ELOVL4: variants seen among roughly 807,000 people sequenced by gnomAD.
ELOVL4 encodes ELOVL fatty acid elongase 4, also known as very long chain fatty acid elongase 4.
Under a neutral mutation model 42.1 loss-of-function variants are expected in ELOVL4, and 18 were observed. That is an observed-to-expected ratio of 0.43 (90% CI 0.30 to 0.63). ELOVL4 has a LOEUF of 0.63. ELOVL4 is among the 30% of genes least tolerant of loss of function. ELOVL4 has a pLI of 0.15. For missense variants in ELOVL4, 299 were observed against 376.2 expected (o/e 0.79, Z 1.70); for synonymous variants, 117 against 127.0 (o/e 0.92, Z 0.53).
At chr6:79,942,096 T>G (rs1774656963) in intron 1 of ELOVL4, among the ~76,000 whole-genome samples, 2 of 152,004 alleles carry the variant, frequency 1.3e-5, no homozygotes, top group Non-Finnish European at 2.9e-5. Flanking sequence ...AAAAGGTGGG[T>G]AAAGGCAAGG....
At position 79,919,542 on chromosome 6, in the gene ELOVL4, A is replaced by G. The variant is rs1774217034; in HGVS notation, c.547T>C (p.Phe183Leu). 6.2e-7 allele frequency: 1 copy of G among 1,613,546 alleles called. No individual in the cohort carries two copies. Among genetic ancestry groups the G allele is most frequent in the Admixed American group, 1.7e-5 (1 of 59,998 alleles). Reference protein sequence around the residue: ...IKWVAGGQAFFGAQLNSFIHV... With the variant: ...IKWVAGGQAFLGAQLNSFIHV... ...ATAAAGGAATTCAACTGGGCTCCAA[A>G]AAATGCTTTAGAAAAACAACAGGTA... The change falls in exon 5 of 6, where the codon TTT (phenylalanine) becomes CTT (leucine). Residue 183 changes from phenylalanine (F) to leucine (L), a missense_variant. Transcript: ENST00000369816.
intron 1 of ELOVL4, among the ~76,000 whole-genome samples, chr6:79,935,071 A>T (rs1307800763): frequency 6.6e-6 from 1 of 152,096 alleles, no homozygotes; most frequent in African/African-American, 2.4e-5. Flanking sequence ...ATTTTTAAAA[A>T]CTCCTTTTCA....
intron 1 of ELOVL4, among the ~76,000 whole-genome samples, chr6:79,937,503 G>A (rs1241140542): frequency 2.0e-5 from 3 of 152,108 alleles, no homozygotes; most frequent in Non-Finnish European, 2.9e-5. Flanking sequence ...ATCAGGTTCA[G>A]GGAAAGTCAG....
intron 1 of ELOVL4, among the ~76,000 whole-genome samples, chr6:79,943,305 T>G (rs1774677440): frequency 6.6e-6 from 1 of 152,134 alleles, no homozygotes; most frequent in Non-Finnish European, 1.5e-5. Context: ...AGCCCCCAGC[T>G]TCATCAAACC....
chr6:79,926,836 C>A (rs1313517255), intron 1 of ELOVL4, among the ~76,000 whole-genome samples: 2 of 152,092 alleles, frequency 1.3e-5, no homozygotes, highest in Non-Finnish European at 2.9e-5. Context: ...GAGGTACGTA[C>A]GGGGCGATGG....
chr6:79,947,323 C>A lies in ELOVL4; in HGVS notation c.-44G>T. On this transcript the variant is annotated 5_prime_UTR_variant, in exon 1 of 6. Transcript: ENST00000369816. ...CTGGCGGCAGGAGAAAGCGGAGACC[C>A]AGAGAGAGGGCTGACCCCGGAGGCG... is the stretch of plus-strand genomic sequence containing the variant. The A allele has an allele frequency of 6.7e-7, 1 of 1,497,446 alleles. No homozygotes were observed. Among genetic ancestry groups the A allele is most frequent in the South Asian group, 1.1e-5 (1 of 87,292 alleles). 92.8% of individuals were successfully genotyped at this position (1,497,446 alleles called of 1,614,324 possible).
Position 79,916,493 on chromosome 6 carries a change from C to G in ELOVL4, c.*115G>C, listed in dbSNP as rs1194067959. 2.5e-5 allele frequency: 29 copies of G among 1,149,986 alleles called. No individual in the cohort carries two copies. In the East Asian group the frequency reaches 6.3e-4, roughly 25 times the overall value. 71.2% of individuals were successfully genotyped at this position (1,149,986 alleles called of 1,614,324 possible). On this transcript the variant is annotated 3_prime_UTR_variant, in exon 6 of 6. Transcript: ENST00000369816. Reference sequence around the variant, plus strand: ...GTCTAAGAGTTACTAGGACATAGAGCACATTTGTCTTTTCTCCCCACCCCC... The same window carrying G: ...GTCTAAGAGTTACTAGGACATAGAGGACATTTGTCTTTTCTCCCCACCCCC...
intron 2 of ELOVL4, 69 bp downstream of exon 2, chr6:79,926,124 GT>G: frequency 7.5e-7 from 1 of 1,335,376 alleles, no homozygotes; most frequent in Non-Finnish European, 1.1e-6. Context: ...TACAATGATG[GT>G]TTTACACATT....
chr6:79,929,644 G>C (rs1774411244), intron 1 of ELOVL4, among the ~76,000 whole-genome samples: 2 of 152,142 alleles, frequency 1.3e-5, no homozygotes, highest in South Asian at 4.2e-4. Flanking sequence ...CAAACTACAT[G>C]ATCATTTAGG....
intron 3 of ELOVL4, among the ~76,000 whole-genome samples, chr6:79,924,316 C>A (rs748833235): frequency 6.6e-6 from 1 of 152,130 alleles, no homozygotes; most frequent in Non-Finnish European, 1.5e-5. Context: ...AGTTTCTACT[C>A]TTGAGCAAAA....
At chr6:79,926,908 A>C (rs1182149370) in intron 1 of ELOVL4, among the ~76,000 whole-genome samples, 1 of 152,164 alleles carries the variant, frequency 6.6e-6, no homozygotes. Flanking sequence ...CTGAGAGATT[A>C]AGTTAGGGTT....
At chr6:79,919,585 A>G (rs1350448433) in intron 4 of ELOVL4, 38 bp from the exon 5 acceptor site, 2 of 1,605,234 alleles carry the variant, frequency 1.2e-6, no homozygotes, top group Admixed American at 1.7e-5. Context: ...GATACAGAAA[A>G]TTTTATTAGG....
Position 79,927,821 on chromosome 6 carries a change from C to T in ELOVL4, c.101-1440G>A, listed in dbSNP as rs145123095. ...GGTCTACTATTCATAGAGATTATGGCTATATCACTCAAATCAAACACATTT... is the reference window on the plus strand; with the variant it reads ...GGTCTACTATTCATAGAGATTATGGTTATATCACTCAAATCAAACACATTT... On this transcript the variant is annotated intron_variant, in intron 1 of 5. Transcript: ENST00000369816. Among the ~76,000 whole-genome samples, 15 of 152,226 alleles carry T rather than the reference C, an allele frequency of 9.9e-5. No homozygotes were observed. The East Asian group carries it at 2.3e-3, about 24-fold the overall frequency.
At chr6:79,935,588 A>C (rs548399996) in intron 1 of ELOVL4, among the ~76,000 whole-genome samples, 1 of 152,288 alleles carries the variant, frequency 6.6e-6, no homozygotes, top group South Asian at 2.1e-4. Flanking sequence ...TGAAACTCAG[A>C]GCCACTATTT....
intron 1 of ELOVL4, among the ~76,000 whole-genome samples, chr6:79,935,738 TTAAATC>T (rs1774530810): frequency 6.6e-6 from 1 of 152,326 alleles, no homozygotes; most frequent in African/African-American, 2.4e-5. Flanking sequence ...TAAAAAATAA[TTAAATC>T]TAAATACATC....
intron 1 of ELOVL4, among the ~76,000 whole-genome samples, chr6:79,936,453 G>A (rs1235425191): frequency 6.6e-6 from 1 of 152,128 alleles, no homozygotes; most frequent in African/African-American, 2.4e-5. Flanking sequence ...AAGGGTAACT[G>A]TAGTCTTTTT....
At chr6:79,918,409 C>A (rs1287718762) in intron 5 of ELOVL4, among the ~76,000 whole-genome samples, 1 of 152,146 alleles carries the variant, frequency 6.6e-6, no homozygotes, top group Non-Finnish European at 1.5e-5. Flanking sequence ...TTGATCACCT[C>A]TTCATTTTCT....
intron 1 of ELOVL4, among the ~76,000 whole-genome samples, chr6:79,940,220 C>T (rs944068257): frequency 2.0e-5 from 3 of 152,128 alleles, no homozygotes; most frequent in African/African-American, 7.2e-5. Context: ...CAGTGAGTAA[C>T]TGATTTCCTC....
intron 1 of ELOVL4, among the ~76,000 whole-genome samples, chr6:79,946,726 ACCT>A (rs755160675): frequency 1.3e-5 from 2 of 152,128 alleles, no homozygotes; most frequent in South Asian, 4.2e-4. Flanking sequence ...GGCTGAAGAA[ACCT>A]CCTGTACCTT....
Sources: gnomAD v4.1 joint callset for allele counts (sites outside exome capture counted in the v4.1 genomes callset) on GRCh38, gnomAD v4.1.1 for gene constraint, MANE v1.5 for transcripts, NCBI Gene and HGNC (gene_info 2026-07-23, HGNC 2026-07-21) for gene names.